The following PRKCH variants were observed in gnomAD, a reference collection of about 807,000 sequenced individuals.
PRKCH encodes protein kinase C eta.
Under a neutral mutation model 82.5 loss-of-function variants are expected in PRKCH, and 28 were observed. The ratio of observed to expected loss-of-function variants is 0.34; its 90% CI spans 0.25 to 0.47. PRKCH has a LOEUF of 0.47. Among genes scored for constraint, PRKCH ranks in the 20% least tolerant of loss-of-function variants. The probability of loss-of-function intolerance (pLI) is 1.00; values close to 1 mark genes in which losing one functional copy is unlikely to be tolerated. For synonymous variants in PRKCH, 322 were observed against 327.4 expected (o/e 0.98, Z 0.18); for missense variants, 705 against 881.8 (o/e 0.80, Z 2.54).
chr14:61,425,162 C>G (rs1034591600), intron 2 of PRKCH, among the ~76,000 whole-genome samples: 2 of 152,184 alleles, frequency 1.3e-5, no homozygotes, highest in Admixed American at 1.3e-4. Context: ...GGTTGGAGCC[C>G]CCACACAGAG....
chr14:61,246,500 T>C (rs1312151651), intron 1 of PRKCH, among the ~76,000 whole-genome samples: 1 of 152,114 alleles, frequency 6.6e-6, no homozygotes, highest in African/African-American at 2.4e-5. Context: ...GACAGAGTCT[T>C]CCCCAAAATT....
At position 61,322,426 on chromosome 14, in the gene PRKCH, C is replaced by T; in HGVS notation, c.325C>T (p.Leu109=). The change falls in exon 1 of 14, where the codon CTG becomes TTG. Residue 109 remains leucine (L), a synonymous_variant. Transcript: ENST00000332981. ...CTGCACCCTGCAGTTCCAGGAGCTG[C>T]TGCGCACGACCGGCGCCTCGGACAC... ...ANCTLQFQEL[L]RTTGASDTFE... 6.3e-7 allele frequency: 1 copy of T among 1,598,664 alleles called. No homozygotes were observed. The highest frequency in any genetic ancestry group is 8.6e-7 in the Non-Finnish European group (1 of 1,167,602).
intron 1 of PRKCH, among the ~76,000 whole-genome samples, chr14:61,194,646 AT>A (rs1191243354): frequency 6.6e-6 from 1 of 152,136 alleles, no homozygotes; most frequent in Non-Finnish European, 1.5e-5. Flanking sequence ...TAAGACATCC[AT>A]TTACCCTATT....
chr14:61,431,934 G>A (rs1456248954), intron 2 of PRKCH, among the ~76,000 whole-genome samples: 1 of 152,020 alleles, frequency 6.6e-6, no homozygotes, highest in Admixed American at 6.6e-5. Context: ...TATGTCTTAG[G>A]TTTGTGCTTT....
intron 12 of PRKCH, among the ~76,000 whole-genome samples, chr14:61,538,984 T>C (rs2043147294): frequency 6.6e-6 from 1 of 152,180 alleles, no homozygotes; most frequent in Non-Finnish European, 1.5e-5. Flanking sequence ...TGGAAAAAAG[T>C]AGTTCGTATA....
intron 8 of PRKCH, 30 bp from the exon 9 acceptor site, chr14:61,457,476 C>A (rs770495570): frequency 6.2e-7 from 1 of 1,610,182 alleles, no homozygotes; most frequent in South Asian, 1.1e-5. Context: ...AGAGGACTCC[C>A]TCATGCTCCC....
intron 1 of PRKCH, among the ~76,000 whole-genome samples, chr14:61,349,446 A>T (rs1251390981): frequency 1.3e-5 from 2 of 152,218 alleles, no homozygotes; most frequent in African/African-American, 4.8e-5. Flanking sequence ...AACCAATAAA[A>T]GGGAAAGGAA....
At chr14:61,483,548 AT>A (rs1050007173) in intron 9 of PRKCH, among the ~76,000 whole-genome samples, 2 of 151,528 alleles carry the variant, frequency 1.3e-5, no homozygotes, top group South Asian at 2.1e-4. Flanking sequence ...AATTCAGGGG[AT>A]TTTTTTTTCT....
At chr14:61,239,007 A>T (rs2044813155) in intron 1 of PRKCH, among the ~76,000 whole-genome samples, 1 of 152,172 alleles carries the variant, frequency 6.6e-6, no homozygotes. Context: ...AGCTGCTGTA[A>T]CTGGAGTGTT....
At position 61,519,873 on chromosome 14, in the gene PRKCH, T is replaced by TA. The variant is rs35383143; in HGVS notation, c.1434-9187dup. Among the ~76,000 whole-genome samples the TA allele has an allele frequency of 5.3e-3, 754 of 143,254 alleles. 2 individuals carry two copies. Among genetic ancestry groups the TA allele is most frequent in the African/African-American group, 7.5e-3 (296 of 39,356 alleles). The allele number at this position is 143,254 out of a possible 152,430, so 94.0% of individuals were successfully genotyped here. Reference sequence around the variant, plus strand: ...AGTAGACATTAAGTAATTTCTGTGGTAAAAAAAAAAAAAAATGAGCTGATG... The same window carrying TA: ...AGTAGACATTAAGTAATTTCTGTGGTAAAAAAAAAAAAAAAATGAGCTGATG... On this transcript the variant is annotated intron_variant, in intron 10 of 13. Transcript: ENST00000332981.
rs1012266899 is a variant in PRKCH, at chr14:61,391,220, T to C, written c.364-5T>C. The C allele has an allele frequency of 2.2e-5, 35 of 1,607,654 alleles. No homozygotes were observed. The highest frequency in any genetic ancestry group is 3.0e-5 in the Non-Finnish European group (35 of 1,176,644). ...TATAATATACATTTTTTTTTCTCTT[T>C]GTAGGTGGATCTCGAGCCAGAGGGG... is the stretch of plus-strand genomic sequence containing the variant. On this transcript the variant is annotated splice_region_variant and splice_polypyrimidine_tract_variant and intron_variant, in intron 1 of 13. Transcript: ENST00000332981.
chr14:61,460,233 GCTGCATAGTA>G (rs1884968027), intron 9 of PRKCH, among the ~76,000 whole-genome samples: 2 of 152,134 alleles, frequency 1.3e-5, no homozygotes, highest in Admixed American at 1.3e-4. Context: ...ATTTTTAATG[GCTGCATAGTA>G]CTCCATTTTA....
intron 5 of PRKCH, among the ~76,000 whole-genome samples, chr14:61,449,856 G>GTCTCTCTCTCTCTC (rs149977373): frequency 3.4e-4 from 49 of 142,398 alleles, no homozygotes; most frequent in African/African-American, 1.2e-3. Context: ...CAGGGAAGAT[G>GTCTCTCTCTCTCTC]TCTCTCTCTC....
intron 9 of PRKCH, among the ~76,000 whole-genome samples, chr14:61,483,209 G>T (rs1317588297): frequency 6.6e-6 from 1 of 152,240 alleles, no homozygotes; most frequent in Non-Finnish European, 1.5e-5. Flanking sequence ...AGCTTTTTGG[G>T]ATGTTTCCGG....
rs138307204 is a variant in PRKCH at position 61,377,308 on chromosome 14, T to G, written c.364-13917T>G. Among the ~76,000 whole-genome samples, 11 of 152,320 alleles carry G rather than the reference T, an allele frequency of 7.2e-5. No homozygotes were observed. In the East Asian group the frequency reaches 2.1e-3, roughly 29 times the overall value. ...TTTCCTGTGCTCTTTCTTGAAAAATTTCACTGCTCTTAGACTTAGTGTTTA... is the reference window on the plus strand; with the variant it reads ...TTTCCTGTGCTCTTTCTTGAAAAATGTCACTGCTCTTAGACTTAGTGTTTA... On this transcript the variant is annotated intron_variant, in intron 1 of 13. Transcript: ENST00000332981.
chr14:61,537,338 C>A (rs146595585), intron 12 of PRKCH, among the ~76,000 whole-genome samples: 1 of 152,234 alleles, frequency 6.6e-6, no homozygotes, highest in East Asian at 1.9e-4. Context: ...AAAGGCATTC[C>A]AGCTGTTATT....
At chr14:61,411,481 T>G (rs1882267585) in intron 2 of PRKCH, among the ~76,000 whole-genome samples, 2 of 152,144 alleles carry the variant, frequency 1.3e-5, no homozygotes, top group African/African-American at 4.8e-5. Context: ...TCTTCCCATG[T>G]GAAAAACAAA....
At chr14:61,546,735 T>C (rs1326673321) in intron 12 of PRKCH, among the ~76,000 whole-genome samples, 2 of 152,254 alleles carry the variant, frequency 1.3e-5, no homozygotes, top group Non-Finnish European at 2.9e-5. Context: ...GGGACTGTCA[T>C]GAGTCTATTT....
chr14:61,460,062 GT>G (rs1041407547), intron 9 of PRKCH, among the ~76,000 whole-genome samples: 3 of 152,072 alleles, frequency 2.0e-5, no homozygotes, highest in African/African-American at 7.2e-5. Flanking sequence ...TCCCAGGCTG[GT>G]CTCAAACTCC....
Sources: gnomAD v4.1 joint callset for allele counts (sites outside exome capture counted in the v4.1 genomes callset) on GRCh38, gnomAD v4.1.1 for gene constraint, MANE v1.5 for transcripts, NCBI Gene and HGNC (gene_info 2026-07-23, HGNC 2026-07-21) for gene names.